The following NOL4 variants were observed in gnomAD, a reference collection of about 807,000 sequenced individuals.
The protein encoded by NOL4 is cancer/testis antigen 125.
Under a neutral mutation model 75.9 loss-of-function variants are expected in NOL4, and 17 were observed. That is an observed-to-expected ratio of 0.22 (90% CI 0.15 to 0.34). NOL4 has a LOEUF of 0.34. Among genes scored for constraint, NOL4 ranks in the 10% least tolerant of loss-of-function variants. The probability of loss-of-function intolerance (pLI) is 1.00; values close to 1 mark genes in which losing one functional copy is unlikely to be tolerated. For synonymous variants in NOL4, 292 were observed against 289.9 expected (o/e 1.01, Z -0.07); for missense variants, 614 against 793.5 (o/e 0.77, Z 2.72).
chr18:34,173,495 C>T (rs1054879881), intron 1 of NOL4, among the ~76,000 whole-genome samples: 25 of 151,784 alleles, frequency 1.6e-4, no homozygotes, highest in African/African-American at 4.3e-4. Context: ...TATATCAGAT[C>T]GTCATGTTGT....
chr18:34,200,961 C>T (rs2035692566), intron 1 of NOL4, among the ~76,000 whole-genome samples: 1 of 151,612 alleles, frequency 6.6e-6, no homozygotes, highest in Admixed American at 6.6e-5. Context: ...AAAAGAGGCT[C>T]ATTTTTGTCT....
intron 1 of NOL4, chr18:34,222,507 C>A (rs2037389518): frequency 7.4e-6 from 7 of 942,136 alleles, no homozygotes; most frequent in Non-Finnish European, 8.9e-6. Context: ...ACATCCACCG[C>A]TAGCGCTACA....
intron 1 of NOL4, among the ~76,000 whole-genome samples, chr18:34,189,875 A>T (rs2034780138): frequency 6.6e-6 from 1 of 151,898 alleles, no homozygotes; most frequent in Non-Finnish European, 1.5e-5. Context: ...CATTTTAAAC[A>T]TCTATTTTGC....
chr18:34,197,885 G>A (rs149926719), intron 1 of NOL4, among the ~76,000 whole-genome samples: 173 of 152,020 alleles, frequency 1.1e-3, no homozygotes, highest in Admixed American at 2.9e-3. Context: ...AGAGATTTAT[G>A]GGACAATATC....
chr18:34,076,891 G>C lies in NOL4; in HGVS notation c.772+16574C>G, dbSNP rs780659224. ...TTTTAGCAACATGACTGATAAACATGAGTCTTTAAATGATGAACTCTCTGC... is the reference window on the plus strand; with the variant it reads ...TTTTAGCAACATGACTGATAAACATCAGTCTTTAAATGATGAACTCTCTGC... On this transcript the variant is annotated intron_variant, in intron 5 of 10. Transcript: ENST00000261592. 2.6e-5 allele frequency among the ~76,000 whole-genome samples: 4 copies of C among 152,128 alleles called. No homozygotes were observed. In the South Asian group the frequency reaches 8.3e-4, roughly 32 times the overall value.
intron 6 of NOL4, among the ~76,000 whole-genome samples, chr18:33,962,514 T>C (rs1451168260): frequency 6.6e-6 from 1 of 152,186 alleles, no homozygotes; most frequent in Non-Finnish European, 1.5e-5. Context: ...TGATAACATA[T>C]GTGTAGCATG....
intron 9 of NOL4, among the ~76,000 whole-genome samples, chr18:33,908,320 T>C (rs1395355744): frequency 1.3e-5 from 2 of 152,188 alleles, no homozygotes; most frequent in Non-Finnish European, 2.9e-5. Flanking sequence ...AAACTTGGAC[T>C]GATGATGTGA....
intron 5 of NOL4, among the ~76,000 whole-genome samples, chr18:34,072,659 G>A (rs888207333): frequency 1.7e-4 from 26 of 152,114 alleles, no homozygotes; most frequent in African/African-American, 4.6e-4. Context: ...ATTTTCATGT[G>A]CGCACGAACA....
intron 6 of NOL4, among the ~76,000 whole-genome samples, chr18:33,967,924 A>G (rs1489472900): frequency 3.3e-5 from 5 of 152,014 alleles, no homozygotes; most frequent in African/African-American, 1.2e-4. Context: ...TGTCTCTACT[A>G]AAAACACAAA....
chr18:33,947,239 G>A (rs749095641), intron 8 of NOL4, among the ~76,000 whole-genome samples: 6 of 151,770 alleles, frequency 4.0e-5, no homozygotes, highest in Non-Finnish European at 7.4e-5. Flanking sequence ...CGTGCTCTGA[G>A]AATCATCTCC....
At chr18:34,032,197 G>A (rs970655755) in intron 5 of NOL4, among the ~76,000 whole-genome samples, 1 of 152,184 alleles carries the variant, frequency 6.6e-6, no homozygotes, top group African/African-American at 2.4e-5. Context: ...GGGTGCAAGT[G>A]GTGTGCACAT....
At chr18:33,878,653 A>G (rs2064074683) in intron 10 of NOL4, among the ~76,000 whole-genome samples, 1 of 152,048 alleles carries the variant, frequency 6.6e-6, no homozygotes, top group South Asian at 2.1e-4. Context: ...TTCTCCCAAA[A>G]TATAAGCTCA....
intron 1 of NOL4, among the ~76,000 whole-genome samples, chr18:34,188,035 C>T (rs1006500173): frequency 6.6e-6 from 1 of 152,142 alleles, no homozygotes; most frequent in Non-Finnish European, 1.5e-5. Flanking sequence ...AGTGGAATCT[C>T]ACTGTGCTTT....
intron 1 of NOL4, among the ~76,000 whole-genome samples, chr18:34,143,078 G>A (rs1030411588): frequency 1.3e-5 from 2 of 151,914 alleles, no homozygotes; most frequent in Non-Finnish European, 2.9e-5. Flanking sequence ...GGGGAAGGGA[G>A]GGGAGGGAAG....
intron 2 of NOL4, among the ~76,000 whole-genome samples, chr18:34,118,077 T>C (rs1054881668): frequency 6.6e-6 from 1 of 152,234 alleles, no homozygotes. Flanking sequence ...TTTCAGATAC[T>C]GAACTTTAGA....
chr18:33,860,583 G>A, intron 10 of NOL4, among the ~76,000 whole-genome samples: 1 of 152,042 alleles, frequency 6.6e-6, no homozygotes, highest in Non-Finnish European at 1.5e-5. Flanking sequence ...CTGCAAACAG[G>A]GACAATTTGA....
At chr18:34,137,469 TA>T (rs1471250580) in intron 1 of NOL4, among the ~76,000 whole-genome samples, 1 of 152,066 alleles carries the variant, frequency 6.6e-6, no homozygotes, top group Non-Finnish European at 1.5e-5. Context: ...TAAAAACTGT[TA>T]AAGAATTTGA....
At chr18:34,038,172 A>G (rs2075992828) in intron 5 of NOL4, among the ~76,000 whole-genome samples, 1 of 152,190 alleles carries the variant, frequency 6.6e-6, no homozygotes, top group Non-Finnish European at 1.5e-5. Flanking sequence ...AGGGAAATGC[A>G]AATCAAAACC....
chr18:33,982,281 A>G (rs999735005), intron 6 of NOL4, among the ~76,000 whole-genome samples: 1 of 152,126 alleles, frequency 6.6e-6, no homozygotes, highest in African/African-American at 2.4e-5. Context: ...GAGTGGATCA[A>G]AAATCAAGAT....
Sources: allele counts gnomAD v4.1 joint callset (sites outside exome capture counted in the v4.1 genomes callset), GRCh38; gene constraint gnomAD v4.1.1; transcripts MANE v1.5; gene names NCBI Gene and HGNC (gene_info 2026-07-23, HGNC 2026-07-21).